The following STRN4 variants were observed in gnomAD, a reference collection of about 807,000 sequenced individuals.
STRN4 encodes the protein striatin 4.
In STRN4, 27 loss-of-function variants were observed where a neutral mutation model predicts 77.9. The ratio of observed to expected loss-of-function variants is 0.35; its 90% CI spans 0.26 to 0.48. STRN4 has a LOEUF of 0.48. Among genes scored for constraint, STRN4 ranks in the 20% least tolerant of loss-of-function variants. STRN4 has a pLI of 0.99. For missense variants in STRN4, 798 were observed against 1,049.7 expected, an observed-to-expected ratio of 0.76 and a Z score of 3.31; for synonymous variants, 466 against 443.1, an observed-to-expected ratio of 1.05 and a Z score of -0.65.
At chr19:46,721,843 A>T (rs1408669420) in intron 16 of STRN4, 143 bp downstream of exon 16, 12 of 805,566 alleles carry the variant, frequency 1.5e-5, no homozygotes, top group Non-Finnish European at 2.0e-5. Flanking sequence ...GCTGCCCCCT[A>T]TGGTCACCAC....
At chr19:46,736,956 T>C in intron 3 of STRN4, 55 bp from the exon 4 acceptor site, 2 of 1,577,894 alleles carry the variant, frequency 1.3e-6, no homozygotes, top group South Asian at 2.2e-5. Flanking sequence ...CACCTACCCA[T>C]CACCTCCTCC....
chr19:46,735,868 G>A (rs1386459742), intron 4 of STRN4, among the ~76,000 whole-genome samples: 3 of 152,080 alleles, frequency 2.0e-5, no homozygotes, highest in Non-Finnish European at 2.9e-5. Flanking sequence ...GGAGGCTGAG[G>A]CAGGAGAATC....
chr19:46,724,942 A>G lies in STRN4; in HGVS notation c.1473-14T>C, dbSNP rs111731911. 11 of 1,613,698 alleles carry G rather than the reference A, an allele frequency of 6.8e-6. No individual in the cohort carries two copies. Among genetic ancestry groups the G allele is most frequent in the East Asian group, 4.5e-5 (2 of 44,902 alleles). ...AACACTGGGCCCCTGGAAGGGACAAATATGTGGAAAGGGGGATGAGACAAG... is the reference window on the plus strand; with the variant it reads ...AACACTGGGCCCCTGGAAGGGACAAGTATGTGGAAAGGGGGATGAGACAAG... On this transcript the variant is annotated splice_polypyrimidine_tract_variant and intron_variant, in intron 11 of 17. Transcript: ENST00000263280.
chr19:46,730,052 G>A (rs2054212565), intron 6 of STRN4, among the ~76,000 whole-genome samples: 1 of 152,222 alleles, frequency 6.6e-6, no homozygotes, highest in African/African-American at 2.4e-5. Flanking sequence ...GATGATTCCT[G>A]ATGGAATGGG....
Position 46,741,674 on chromosome 19 carries a change from CT to C in STRN4, c.283-2787del, listed in dbSNP as rs1010568999. ...GCAGAGCATGCGCTCCCAAAACCTTCTGATACCTGGCAGCTACTGCCTCTCC... is the reference window on the plus strand; with the variant it reads ...GCAGAGCATGCGCTCCCAAAACCTTCGATACCTGGCAGCTACTGCCTCTCC... On this transcript the variant is annotated intron_variant, in intron 1 of 17. Coordinates refer to ENST00000263280, the MANE Select transcript of STRN4 (RefSeq NM_013403.3). The surrounding 1 kb of genome is among the most constrained non-coding windows in gnomAD (Gnocchi z 4.9). 6.6e-6 allele frequency among the ~76,000 whole-genome samples: 1 copy of C among 152,224 alleles called. No individual in the cohort carries two copies. Among genetic ancestry groups the C allele is most frequent in the Admixed American group, 6.5e-5 (1 of 15,278 alleles).
Position 46,723,205 on chromosome 19 carries a change from G to A in STRN4, c.1674C>T (p.Arg558=), listed in dbSNP as rs1162544596. The A allele has an allele frequency of 3.2e-6, 5 of 1,555,110 alleles. No homozygotes were observed. The African/African-American group carries it at 5.5e-5, about 17-fold the overall frequency. ...WGLAFSPTSQ[R]LASCSADGTV... is the part of the protein sequence containing the mutation. ...TGCCATCAGCAGAACAGGAGGCCAG[G>A]CGCTGGGAGGTGGGACTGAAGGCCA... The change falls in exon 13 of 18, where the codon CGC becomes CGT. Residue 558 remains arginine, a synonymous_variant. Transcript: ENST00000263280. This position sits in a 1 kb window ranked among gnomAD's most constrained non-coding sequence, Gnocchi z 5.5.
intron 1 of STRN4, chr19:46,739,181 G>A: frequency 2.4e-6 from 1 of 417,852 alleles, no homozygotes; most frequent in Non-Finnish European, 4.5e-6. Context: ...GCTGCCTTTG[G>A]GGGGAAGTCG....
At chr19:46,728,567 C>T in intron 7 of STRN4, 51 bp downstream of exon 7, 6 of 1,585,076 alleles carry the variant, frequency 3.8e-6, no homozygotes, top group Non-Finnish European at 5.1e-6. Flanking sequence ...CCTGCTCCCA[C>T]CCCCTCGGTG....
In STRN4 at chr19:46,746,426, A is replaced by G; in HGVS notation, c.5T>C (p.Met2Thr). 2 of 1,019,450 alleles carry G rather than the reference A, an allele frequency of 2.0e-6. No homozygotes were observed. Among genetic ancestry groups the G allele is most frequent in the Non-Finnish European group, 2.3e-6 (2 of 855,604 alleles). 63.2% of individuals were successfully genotyped at this position (1,019,450 alleles called of 1,614,324 possible). A position where few individuals can be genotyped will look rare whatever the true frequency, so the allele number is the denominator to read the frequency against. Residue 2 changes from methionine (M) to threonine (T), a missense_variant, in exon 1 of 18, where the codon ATG (methionine) becomes ACG (threonine). Met to Thr is a moderately conservative substitution (Grantham distance 81). Coordinates refer to ENST00000263280, the MANE Select transcript of STRN4 (RefSeq NM_013403.3). ...GACCGCGGCGGCCGCTCGCTCCTCC[A>G]TCATGGAGGCCCCGGGGCCGGCCTG... The part of the protein sequence containing the change: M[M>T]EERAAAAVAA...
chr19:46,723,796 G>A lies in STRN4; in HGVS notation c.1595-512C>T, dbSNP rs2054038377. Among the ~76,000 whole-genome samples, 1 of 152,194 alleles carries A rather than the reference G, an allele frequency of 6.6e-6. No homozygotes were observed. The highest frequency in any genetic ancestry group is 6.5e-5 in the Admixed American group (1 of 15,286). ...TGCTGGAGTCCACACCAGCAGCTCT[G>A]GCCTGCTGACACCGAAAGTGTGGTG... On this transcript the variant is annotated intron_variant, in intron 12 of 17. Transcript: ENST00000263280. The surrounding 1 kb of genome is among the most constrained non-coding windows in gnomAD (Gnocchi z 5.5).
intron 1 of STRN4, among the ~76,000 whole-genome samples, chr19:46,742,310 T>C (rs1447223025): frequency 6.6e-6 from 1 of 152,064 alleles, no homozygotes; most frequent in African/African-American, 2.4e-5. Flanking sequence ...TTCTCTGCCA[T>C]TCAACACACA....
intron 1 of STRN4, among the ~76,000 whole-genome samples, chr19:46,740,481 G>T (rs1270749646): frequency 6.6e-6 from 1 of 151,950 alleles, no homozygotes; most frequent in South Asian, 2.1e-4. Flanking sequence ...TGTCCTTTGT[G>T]TATCTTCTCA....
In STRN4 at chr19:46,741,374, A is replaced by C. The variant is rs540879278; in HGVS notation, c.283-2486T>G. Among the ~76,000 whole-genome samples the C allele has an allele frequency of 6.6e-6, 1 of 152,160 alleles. No homozygotes were observed. Among genetic ancestry groups the C allele is most frequent in the South Asian group, 2.1e-4 (1 of 4,818 alleles). The stretch of plus-strand genomic sequence containing the variant: ...AGCTGTGGTCTCCCTCCTCCTAATG[A>C]GGATGTGAGGGTCTCAGCTGCCCAC... On this transcript the variant is annotated intron_variant, in intron 1 of 17. Coordinates refer to ENST00000263280, the MANE Select transcript of STRN4 (RefSeq NM_013403.3). The surrounding 1 kb of genome is among the most constrained non-coding windows in gnomAD (Gnocchi z 4.9).
In STRN4 at chr19:46,720,067, T is replaced by C. The variant is rs2053940863; in HGVS notation, c.*338A>G. 6.6e-6 allele frequency: 1 copy of C among 152,332 alleles called. No individual in the cohort carries two copies. Among genetic ancestry groups the C allele is most frequent in the Non-Finnish European group, 1.5e-5 (1 of 68,166 alleles). The allele number at this position is 152,332 out of a possible 1,614,324, so 9.4% of individuals were successfully genotyped here. On this transcript the variant is annotated 3_prime_UTR_variant, in exon 18 of 18. Coordinates refer to ENST00000263280, the MANE Select transcript of STRN4 (RefSeq NM_013403.3). ...GGAGAACCTGGCACCTTCTGGAGTCTTGGAAAAACTGATCCCTAAAGACAC... is the reference window on the plus strand; with the variant it reads ...GGAGAACCTGGCACCTTCTGGAGTCCTGGAAAAACTGATCCCTAAAGACAC...
intron 14 of STRN4, 33 bp from the exon 15 acceptor site, chr19:46,722,373 C>A: frequency 6.2e-7 from 1 of 1,602,630 alleles, no homozygotes; most frequent in South Asian, 1.1e-5. Flanking sequence ...GGAAGGATGT[C>A]AAGCAGAAAA....
chr19:46,729,177 A>G (rs2054193015), intron 6 of STRN4, among the ~76,000 whole-genome samples: 1 of 152,216 alleles, frequency 6.6e-6, no homozygotes, highest in Non-Finnish European at 1.5e-5. Context: ...TAAACACAGC[A>G]CCAGCAGCCG....
rs1205310723 is a variant in STRN4, at chr19:46,724,823, A to G, written c.1578T>C (p.Asp526=). Residue 526 remains aspartate (D), a synonymous_variant, in exon 12 of 18, where the codon GAT becomes GAC. Coordinates refer to ENST00000263280, the MANE Select transcript of STRN4 (RefSeq NM_013403.3). ...HSWKIPDLSM[D]PYDGYDPSVL... is the part of the protein sequence containing the mutation. The stretch of plus-strand genomic sequence containing the variant: ...TGTCCTCACCGTAGCCATCATAGGG[A>G]TCCATGCTGAGGTCTGGAATCTTCC... 1 of 1,613,888 alleles carries G rather than the reference A, an allele frequency of 6.2e-7. No individual in the cohort carries two copies. The highest frequency in any genetic ancestry group is 1.1e-5 in the South Asian group (1 of 91,082).
At chr19:46,727,431 G>C (rs2054143208) in intron 9 of STRN4, 21 bp downstream of exon 9, 1 of 1,604,536 alleles carries the variant, frequency 6.2e-7, no homozygotes, top group African/African-American at 1.3e-5. Flanking sequence ...GGACAGTGTG[G>C]GGGGCACCCG....
chr19:46,728,986 G>A (rs1476409641), intron 6 of STRN4: 13 of 576,624 alleles, frequency 2.3e-5, no homozygotes, highest in African/African-American at 2.0e-4. Flanking sequence ...CCACCCTCAC[G>A]CAGTCCTTCC....
Sources: gnomAD v4.1 joint callset for allele counts (sites outside exome capture counted in the v4.1 genomes callset) on GRCh38, gnomAD v4.1.1 for gene constraint, Gnocchi (gnomAD v3.1) non-coding constraint, MANE v1.5 for transcripts, NCBI Gene and HGNC (gene_info 2026-07-23, HGNC 2026-07-21) for gene names.